SGCD: variants seen among roughly 807,000 people sequenced by gnomAD.
The protein encoded by SGCD is delta-sarcoglycan.
Under a neutral mutation model 36.6 loss-of-function variants are expected in SGCD, and 18 were observed. The ratio of observed to expected loss-of-function variants is 0.49; its 90% CI spans 0.34 to 0.73. The LOEUF (loss-of-function observed/expected upper bound fraction) is 0.73. Among genes scored for constraint, SGCD ranks in the 30% least tolerant of loss-of-function variants. The pLI, the probability that SGCD is intolerant of heterozygous loss-of-function variation, is 0.01. For synonymous variants in SGCD, 133 were observed against 130.6 expected (o/e 1.02, Z -0.12); for missense variants, 387 against 346.7 (o/e 1.12, Z -0.92).
At chr5:156,349,723 C>G (rs149621184) in intron 3 of SGCD, among the ~76,000 whole-genome samples, 1 of 152,130 alleles carries the variant, frequency 6.6e-6, no homozygotes, top group African/African-American at 2.4e-5. Context: ...ACCATTTGAT[C>G]CAGTAATCTC....
At chr5:155,910,054 G>A (rs1756599510) in intron 1 of SGCD, among the ~76,000 whole-genome samples, 1 of 151,840 alleles carries the variant, frequency 6.6e-6, no homozygotes, top group East Asian at 1.9e-4. Flanking sequence ...TTAAGACAGA[G>A]GTTGTATTGT....
chr5:155,806,241 G>T, the SGCD span, among the ~76,000 whole-genome samples: 1 of 152,096 alleles, frequency 6.6e-6, no homozygotes, highest in East Asian at 1.9e-4. Flanking sequence ...CGCCACCTCC[G>T]CCTCCTGGGT....
chr5:156,036,488 A>T (rs1303948807), intron 1 of SGCD, among the ~76,000 whole-genome samples: 1 of 152,164 alleles, frequency 6.6e-6, no homozygotes, highest in Non-Finnish European at 1.5e-5. Flanking sequence ...TCTAAGGTCT[A>T]TGGGAAAGCA....
chr5:156,070,962 G>C (rs1483593869), intron 1 of SGCD, among the ~76,000 whole-genome samples: 1 of 152,114 alleles, frequency 6.6e-6, no homozygotes, highest in Non-Finnish European at 1.5e-5. Context: ...GTATTTCTGT[G>C]GGATCAGTGT....
intron 3 of SGCD, among the ~76,000 whole-genome samples, chr5:156,217,817 A>G (rs1444038326): frequency 2.6e-5 from 4 of 152,282 alleles, no homozygotes; most frequent in Non-Finnish European, 2.9e-5. Flanking sequence ...ATGTATGTAT[A>G]TATATATACA....
At chr5:155,822,209 ATAT>A in the SGCD span, among the ~76,000 whole-genome samples, 16 of 152,326 alleles carry the variant, frequency 1.1e-4, no homozygotes, top group East Asian at 2.5e-3. Context: ...CATGAAACAC[ATAT>A]TATCAAAATA....
chr5:156,673,373 G>A (rs757057096), intron 7 of SGCD, among the ~76,000 whole-genome samples: 9 of 152,208 alleles, frequency 5.9e-5, no homozygotes, highest in East Asian at 3.9e-4. Context: ...CAATAGTCAC[G>A]CTTCAGCAGA....
chr5:156,145,949 C>T (rs957522344), intron 3 of SGCD, among the ~76,000 whole-genome samples: 10 of 152,320 alleles, frequency 6.6e-5, no homozygotes, highest in Admixed American at 1.3e-4. Flanking sequence ...CGTGGTGGCT[C>T]ATGCCTGTAA....
intron 4 of SGCD, among the ~76,000 whole-genome samples, chr5:156,533,609 T>A (rs1460438503): frequency 1.3e-5 from 2 of 152,200 alleles, no homozygotes; most frequent in Non-Finnish European, 2.9e-5. Context: ...TATCTCTGAT[T>A]CCTTATCTAA....
rs1201658512 is a variant in SGCD, at chr5:156,062,500, A to C, written c.-281-55378A>C. On this transcript the variant is annotated intron_variant, in intron 1 of 9. Coordinates refer to the SGCD transcript ENST00000517913. ...ATTTCTAGTTCTAGATCCCTCAGGA[A>C]TTGCCACACTGACTTCCACAATGGT... Among the ~76,000 whole-genome samples the C allele has an allele frequency of 3.3e-5, 4 of 120,400 alleles. 1 individual carries two copies. The highest frequency in any genetic ancestry group is 5.1e-5 in the Non-Finnish European group (3 of 58,580). 79.0% of individuals were successfully genotyped at this position (120,400 alleles called of 152,430 possible). A position where few individuals can be genotyped will look rare whatever the true frequency, so the allele number is the denominator to read the frequency against.
chr5:155,905,978 TA>T (rs1184768772), intron 1 of SGCD, among the ~76,000 whole-genome samples: 19 of 152,260 alleles, frequency 1.2e-4, no homozygotes, highest in Admixed American at 1.2e-3. Context: ...TGGTGTTTAT[TA>T]AAAATTGAAG....
the SGCD span, among the ~76,000 whole-genome samples, chr5:155,775,486 C>G: frequency 6.6e-6 from 1 of 152,126 alleles, no homozygotes; most frequent in Non-Finnish European, 1.5e-5. Flanking sequence ...CAAACATACT[C>G]TGACTCCTGC....
At chr5:156,266,102 A>T (rs1228666568) in intron 3 of SGCD, among the ~76,000 whole-genome samples, 3 of 152,264 alleles carry the variant, frequency 2.0e-5, no homozygotes, top group Non-Finnish European at 4.4e-5. Context: ...ATGTTAATAA[A>T]ATCTTCTGTG....
At chr5:155,853,205 T>A in the SGCD span, among the ~76,000 whole-genome samples, 1 of 150,278 alleles carries the variant, frequency 6.7e-6, no homozygotes, top group East Asian at 1.9e-4. Context: ...AGTTGATTGT[T>A]AGCATGCATT....
intron 7 of SGCD, among the ~76,000 whole-genome samples, chr5:156,706,405 G>C (rs1243617952): frequency 2.0e-5 from 3 of 151,952 alleles, no homozygotes; most frequent in African/African-American, 7.3e-5. Flanking sequence ...TTTGATCATT[G>C]GTCTTTGATC....
At chr5:156,690,946 C>T (rs1754082188) in intron 7 of SGCD, among the ~76,000 whole-genome samples, 1 of 152,066 alleles carries the variant, frequency 6.6e-6, no homozygotes, top group Non-Finnish European at 1.5e-5. Context: ...ATGGCTTACT[C>T]CTGTAATCCC....
chr5:156,469,848 A>G (rs1754877589), intron 3 of SGCD, among the ~76,000 whole-genome samples: 1 of 152,220 alleles, frequency 6.6e-6, no homozygotes. Context: ...ATGAGAAGAA[A>G]TGCTATGAGG....
the SGCD span, among the ~76,000 whole-genome samples, chr5:155,744,541 G>A: frequency 1.6e-4 from 24 of 152,136 alleles, no homozygotes; most frequent in Non-Finnish European, 2.8e-4. Flanking sequence ...TACAATAAAA[G>A]ACCATAATAA....
the SGCD span, among the ~76,000 whole-genome samples, chr5:155,792,749 A>C: frequency 6.6e-6 from 1 of 152,180 alleles, no homozygotes; most frequent in African/African-American, 2.4e-5. Context: ...CGAAGTAAAA[A>C]AATAACAGGC....
Sources: allele counts gnomAD v4.1 joint callset (sites outside exome capture counted in the v4.1 genomes callset), GRCh38; gene constraint gnomAD v4.1.1; transcripts MANE v1.5; gene names NCBI Gene and HGNC (gene_info 2026-07-23, HGNC 2026-07-21).